The following MYH16 variants were observed in gnomAD, a reference collection of about 807,000 sequenced individuals.
MYH16 encodes the protein putative uncharacterized protein MYH16.
chr7:99,260,189 T>C, exon 12 of MYH16: 4 of 1,609,978 alleles, frequency 2.5e-6, no homozygotes, highest in Non-Finnish European at 3.4e-6. Flanking sequence ...CAGCTATGCA[T>C]CAACTTCACC....
chr7:99,240,350 G>T (rs949506251), intron 1 of MYH16, among the ~76,000 whole-genome samples: 1 of 152,060 alleles, frequency 6.6e-6, no homozygotes, highest in African/African-American at 2.4e-5. Flanking sequence ...CAAGAGGGAG[G>T]CATGAGCCAT....
At chr7:99,285,582 C>T (rs1438069069) in intron 27 of MYH16, 144 bp downstream of exon 9, 1 of 394,166 alleles carries the variant, frequency 2.5e-6, no homozygotes, top group African/African-American at 2.1e-5. Context: ...GGAGCACCTA[C>T]TGTGTGCCAG....
chr7:99,246,218 A>C (rs1024434214), intron 2 of MYH16, among the ~76,000 whole-genome samples: 9 of 151,564 alleles, frequency 5.9e-5, no homozygotes, highest in Middle Eastern at 3.5e-3. Flanking sequence ...AAAAAAAAAA[A>C]AGAAAGAAAA....
chr7:99,243,981 C>T (rs1348683835), intron 2 of MYH16, among the ~76,000 whole-genome samples: 1 of 151,652 alleles, frequency 6.6e-6, no homozygotes, highest in African/African-American at 2.4e-5. Flanking sequence ...AAACATTCAT[C>T]CATCCATCCA....
chr7:99,284,832 C>T lies in MYH16; in HGVS notation n.3226-13C>T, dbSNP rs1323952622. 2 of 456,494 alleles carry T rather than the reference C, an allele frequency of 4.4e-6. No individual in the cohort carries two copies. Among genetic ancestry groups the T allele is most frequent in the South Asian group, 1.5e-5 (1 of 64,570 alleles). The allele number at this position is 456,494 out of a possible 1,614,324, so 28.3% of individuals were successfully genotyped here. On this transcript the variant is annotated splice_polypyrimidine_tract_variant and intron_variant and non_coding_transcript_variant, in intron 25 of 41. Transcript: ENST00000439784. ...CAGAGCCTTTCCTCAGGAGACCAAC[C>T]CTTCCCTTGCAGGAGGGATTTGGAA...
intron 5 of MYH16, among the ~76,000 whole-genome samples, chr7:99,250,667 A>G (rs1307795271): frequency 6.6e-6 from 1 of 152,054 alleles, no homozygotes. Context: ...ACCTGAGCCC[A>G]GGAGTTGGAG....
exon 26 of MYH16, chr7:99,284,911 G>A (rs1792256494): frequency 6.6e-6 from 3 of 456,604 alleles, no homozygotes; most frequent in Non-Finnish European, 8.8e-6. Context: ...ATTCCACGCT[G>A]CAGCGGAAAC....
rs1203139910 is a variant in MYH16 at position 99,305,734 on chromosome 7, G to A, written n.5435-102G>A. On this transcript the variant is annotated intron_variant and non_coding_transcript_variant, in intron 40 of 41. Coordinates refer to ENST00000439784, the Ensembl canonical transcript of MYH16. ...CAAGGCTGCAGTAAGCCATGATCAC[G>A]CCACTGCCCTCCAGCCTGGGCAACA... The A allele has an allele frequency of 2.6e-5, 4 of 152,522 alleles. No homozygotes were observed. The East Asian group carries it at 7.8e-4, about 30-fold the overall frequency. The allele number at this position is 152,522 out of a possible 1,614,324, so 9.4% of individuals were successfully genotyped here.
downstream of MYH16, among the ~76,000 whole-genome samples, chr7:99,308,494 A>G (rs2150842231): frequency 1.3e-5 from 2 of 152,092 alleles, no homozygotes; most frequent in South Asian, 4.2e-4. Flanking sequence ...TCCTTTTCCC[A>G]TGGACAGAAG....
intron 18 of MYH16, among the ~76,000 whole-genome samples, chr7:99,269,422 C>T (rs1031261514): frequency 2.6e-5 from 4 of 152,012 alleles, no homozygotes; most frequent in African/African-American, 4.8e-5. Flanking sequence ...ACTACAGGTG[C>T]ACACCTCCAC....
exon 36 of MYH16, chr7:99,297,965 A>T (rs997748707): frequency 2.2e-6 from 1 of 456,732 alleles, no homozygotes; most frequent in East Asian, 6.9e-5. Flanking sequence ...CGAAGAATCC[A>T]TGAGAAAGAA....
intron 37 of MYH16, among the ~76,000 whole-genome samples, chr7:99,300,080 C>T (rs1308659752): frequency 6.6e-6 from 1 of 151,844 alleles, no homozygotes; most frequent in African/African-American, 2.4e-5. Context: ...CTGCCTCAGC[C>T]TCCTGAGTAG....
At chr7:99,290,243 G>A (rs1485281905) in intron 30 of MYH16, among the ~76,000 whole-genome samples, 1 of 152,094 alleles carries the variant, frequency 6.6e-6, no homozygotes, top group African/African-American at 2.4e-5. Flanking sequence ...CAGCACTTTG[G>A]GAGGCCAAGG....
At chr7:99,294,552 A>AT (rs1424252761) in intron 33 of MYH16, among the ~76,000 whole-genome samples, 10,134 of 127,370 alleles carry the variant, frequency 0.08, 481 homozygotes, top group African/African-American at 0.19. Context: ...AAAGAAAAAA[A>AT]AAATATATAT....
At chr7:99,309,903 T>C (rs1311054508), downstream of MYH16, among the ~76,000 whole-genome samples, 2 of 152,074 alleles carry the variant, frequency 1.3e-5, no homozygotes, top group Non-Finnish European at 2.9e-5. Context: ...GTCCTTGTAA[T>C]CCCAGCTACT....
chr7:99,255,898 A>G (rs1791866377), intron 9 of MYH16, among the ~76,000 whole-genome samples: 1 of 152,200 alleles, frequency 6.6e-6, no homozygotes, highest in Non-Finnish European at 1.5e-5. Context: ...GAGTCGAACT[A>G]GAATTCCATG....
At chr7:99,302,536 C>A (rs937387321) in intron 38 of MYH16, among the ~76,000 whole-genome samples, 1 of 151,876 alleles carries the variant, frequency 6.6e-6, no homozygotes, top group Non-Finnish European at 1.5e-5. Flanking sequence ...CACTGCATTC[C>A]AGCCTAGGCG....
rs543635574 is a variant in MYH16 at position 99,284,243 on chromosome 7, C to T, written n.3225+225C>T. On this transcript the variant is annotated intron_variant and non_coding_transcript_variant, in intron 25 of 41. Coordinates refer to ENST00000439784, the Ensembl canonical transcript of MYH16. The stretch of plus-strand genomic sequence containing the variant: ...TGGTGGGCACTGGGGAGGAGACAAG[C>T]GCCACCACCCCAGGGAACACTGAGG... Among the ~76,000 whole-genome samples, 8 of 152,178 alleles carry T rather than the reference C, an allele frequency of 5.3e-5. No individual in the cohort carries two copies. The South Asian group carries it at 6.2e-4, about 12-fold the overall frequency.
At chr7:99,290,078 A>G (rs906638614) in intron 30 of MYH16, among the ~76,000 whole-genome samples, 9 of 152,236 alleles carry the variant, frequency 5.9e-5, no homozygotes, top group Non-Finnish European at 4.4e-5. Context: ...AAACAAAGGT[A>G]CATTTCCTTA....
Sources: allele counts gnomAD v4.1 joint callset (sites outside exome capture counted in the v4.1 genomes callset), GRCh38; gene constraint gnomAD v4.1.1; transcripts MANE v1.5; gene names NCBI Gene and HGNC (gene_info 2026-07-23, HGNC 2026-07-21).